UNC79: variants seen among roughly 807,000 people sequenced by gnomAD.
UNC79 encodes unc-79 subunit of NALCN channel complex.
UNC79 carries 37 observed loss-of-function variants against 283.1 expected under a neutral mutation model. The observed-to-expected ratio is 0.13, with a 90% CI of 0.10 to 0.17. UNC79 has a LOEUF of 0.17. Ranked by LOEUF, UNC79 falls within the 10% of genes least tolerant of loss-of-function variation. UNC79 has a pLI of 1.00. For missense variants in UNC79, 2,272 were observed against 3,211.1 expected, an observed-to-expected ratio of 0.71 and a Z score of 7.07; for synonymous variants, 1,107 against 1,200.2, an observed-to-expected ratio of 0.92 and a Z score of 1.61.
At chr14:93,417,735 T>C (rs1309865288) in intron 1 of UNC79, among the ~76,000 whole-genome samples, 1 of 152,142 alleles carries the variant, frequency 6.6e-6, no homozygotes, top group East Asian at 1.9e-4. Flanking sequence ...TTATTCTTTT[T>C]TCTCTAAACT....
chr14:93,421,528 A>G (rs933546644), intron 1 of UNC79, among the ~76,000 whole-genome samples: 4 of 151,862 alleles, frequency 2.6e-5, no homozygotes, highest in Middle Eastern at 6.8e-3. Flanking sequence ...CCAGACATTT[A>G]AAGAATAGTA....
At chr14:93,347,553 T>C (rs1344525158) in intron 1 of UNC79, among the ~76,000 whole-genome samples, 1 of 151,156 alleles carries the variant, frequency 6.6e-6, no homozygotes, top group Admixed American at 6.6e-5. Context: ...CTTGGTCGCC[T>C]TTGGGGGAGG....
chr14:93,468,442 T>C (rs985544590), intron 2 of UNC79, among the ~76,000 whole-genome samples: 9 of 152,210 alleles, frequency 5.9e-5, no homozygotes, highest in Admixed American at 5.2e-4. Flanking sequence ...AGAAATAACA[T>C]TGAAGAATTC....
At chr14:93,449,491 G>A (rs1274141870) in intron 1 of UNC79, among the ~76,000 whole-genome samples, 2 of 152,016 alleles carry the variant, frequency 1.3e-5, no homozygotes, top group Non-Finnish European at 2.9e-5. Flanking sequence ...GATGGTGCAT[G>A]CCTTTAATCC....
intron 14 of UNC79, 103 bp from the exon 15 acceptor site, chr14:93,571,791 G>T: frequency 8.3e-7 from 1 of 1,204,354 alleles, no homozygotes; most frequent in Non-Finnish European, 1.2e-6. Context: ...AGACATGATG[G>T]ATTGTGGCCT....
chr14:93,357,740 T>TATGG (rs1555398824), intron 1 of UNC79, among the ~76,000 whole-genome samples: 1 of 135,902 alleles, frequency 7.4e-6, no homozygotes, highest in Non-Finnish European at 1.6e-5. Context: ...GATGTATATA[T>TATGG]ATATATGGAT....
At chr14:93,596,454 G>A (rs1022137934) in intron 23 of UNC79, among the ~76,000 whole-genome samples, 4 of 152,262 alleles carry the variant, frequency 2.6e-5, no homozygotes, top group African/African-American at 9.6e-5. Context: ...GGCCAACATG[G>A]TGAAACCCTG....
intron 1 of UNC79, among the ~76,000 whole-genome samples, chr14:93,369,437 C>T (rs949642304): frequency 6.6e-6 from 1 of 152,190 alleles, no homozygotes; most frequent in Non-Finnish European, 1.5e-5. Flanking sequence ...AAATCAATAA[C>T]TCTTCTTAGA....
Position 93,400,675 on chromosome 14 carries a change from T to C in UNC79, c.-350-66996T>C, listed in dbSNP as rs559983366. On this transcript the variant is annotated intron_variant, in intron 1 of 49. Transcript: ENST00000256339. The stretch of plus-strand genomic sequence containing the variant: ...GATTACAGCACAGGGCACTGGGGTC[T>C]ACGGTGCATATCGCTTTAGGGTGCT... 1.4e-3 allele frequency among the ~76,000 whole-genome samples: 210 copies of C among 152,290 alleles called. 2 individuals carry two copies. The highest frequency in any genetic ancestry group is 6.8e-3 in the Middle Eastern group (2 of 294).
intron 38 of UNC79, 102 bp downstream of exon 41, chr14:93,655,509 G>A: frequency 1.4e-6 from 2 of 1,393,108 alleles, no homozygotes; most frequent in Non-Finnish European, 2.0e-6. Context: ...TATCGCAAAG[G>A]TTAATGAGGA....
chr14:93,346,303 G>A lies in UNC79; in HGVS notation c.-351+12780G>A, dbSNP rs184925381. On this transcript the variant is annotated intron_variant, in intron 1 of 49. Transcript: ENST00000256339. ...GTGAAGACACAGGATCATTGTAGTG[G>A]ATAAAGTTTTATTACAGTACTAAAT... Among the ~76,000 whole-genome samples, 43 of 152,302 alleles carry A rather than the reference G, an allele frequency of 2.8e-4. No homozygotes were observed. The East Asian group carries it at 6.4e-3, about 23-fold the overall frequency.
intron 1 of UNC79, among the ~76,000 whole-genome samples, chr14:93,357,930 TATATGG>T (rs1475758747): frequency 2.1e-5 from 1 of 48,012 alleles, no homozygotes; most frequent in African/African-American, 9.0e-5. Flanking sequence ...TATATAGATA[TATATGG>T]ATATATGGAG....
Position 93,467,651 on chromosome 14 carries a change from TTTTTTTTG to T in UNC79, c.23-19_23-12del. 15 of 1,064,660 alleles carry T rather than the reference TTTTTTTTG, an allele frequency of 1.4e-5. No homozygotes were observed. Among genetic ancestry groups the T allele is most frequent in the Non-Finnish European group, 1.7e-5 (15 of 883,034 alleles). 66.0% of individuals were successfully genotyped at this position (1,064,660 alleles called of 1,614,324 possible). On this transcript the variant is annotated splice_polypyrimidine_tract_variant and intron_variant, in intron 1 of 48. Transcript: ENST00000555664. ...TCCTTTTTTTTTTTTTTTTTTTTTT[TTTTTTTTG>T]CTTTTATCTAGTTGCTTCCAAGATC...
At chr14:93,415,706 T>C (rs1323345874) in intron 1 of UNC79, among the ~76,000 whole-genome samples, 1 of 151,860 alleles carries the variant, frequency 6.6e-6, no homozygotes, top group Non-Finnish European at 1.5e-5. Flanking sequence ...GAGCCTGTTA[T>C]TGGTCTATTC....
At chr14:93,430,052 C>T (rs1476754535), upstream of UNC79, among the ~76,000 whole-genome samples, 1 of 152,188 alleles carries the variant, frequency 6.6e-6, no homozygotes, top group Non-Finnish European at 1.5e-5. This position sits in a 1 kb window ranked among gnomAD's most constrained non-coding sequence, Gnocchi z 4.6. Context: ...TGCACGATGC[C>T]CTCGTCTATT....
downstream of UNC79, chr14:93,707,064 G>A (rs750873807): frequency 3.9e-5 from 30 of 762,108 alleles, no homozygotes; most frequent in Non-Finnish European, 5.6e-5. Flanking sequence ...CGAAAATGAA[G>A]CTTTCTTGCT....
intron 41 of UNC79, among the ~76,000 whole-genome samples, chr14:93,678,690 G>T (rs11848254): frequency 0.67 from 101,779 of 151,732 alleles, 34,600 homozygotes; most frequent in Middle Eastern, 0.74. Context: ...TTCCCCAGCT[G>T]CCTCTATTGT....
intron 14 of UNC79, among the ~76,000 whole-genome samples, chr14:93,559,949 CAG>C: frequency 6.6e-6 from 1 of 151,952 alleles, no homozygotes; most frequent in South Asian, 2.1e-4. Context: ...CGATGTTTCT[CAG>C]GGGTGCTTCA....
chr14:93,522,262 G>A (rs2060357721), intron 7 of UNC79, among the ~76,000 whole-genome samples: 1 of 151,986 alleles, frequency 6.6e-6, no homozygotes, highest in Non-Finnish European at 1.5e-5. Context: ...CTTCCCATAA[G>A]TGTCATGAAC....
Sources: gnomAD v4.1 joint callset for allele counts (sites outside exome capture counted in the v4.1 genomes callset) on GRCh38, gnomAD v4.1.1 for gene constraint, Gnocchi (gnomAD v3.1) non-coding constraint, MANE v1.5 for transcripts, NCBI Gene and HGNC (gene_info 2026-07-23, HGNC 2026-07-21) for gene names.